The following NR3C1 variants were observed in gnomAD, a reference collection of about 807,000 sequenced individuals.
The protein encoded by NR3C1 is glucocorticoid receptor.
In NR3C1, 14 loss-of-function variants were observed where a neutral mutation model predicts 74.0. That is an observed-to-expected ratio of 0.19 (90% confidence interval 0.12 to 0.30). NR3C1 has a LOEUF of 0.30. Among genes scored for constraint, NR3C1 ranks in the 10% least tolerant of loss-of-function variants. The pLI, the probability that NR3C1 is intolerant of heterozygous loss-of-function variation, is 1.00. For missense variants in NR3C1, 695 were observed against 909.8 expected, an observed-to-expected ratio of 0.76 and a Z score of 3.04; for synonymous variants, 308 against 332.5, an observed-to-expected ratio of 0.93 and a Z score of 0.80.
At chr5:143,294,859 T>A in intron 7 of NR3C1, 3 of 869,628 alleles carry the variant, frequency 3.4e-6, no homozygotes, top group Non-Finnish European at 4.1e-6. Flanking sequence ...ATCATCTGGA[T>A]GTATCATAGT....
intron 2 of NR3C1, among the ~76,000 whole-genome samples, chr5:143,388,043 T>C (rs1205420811): frequency 6.6e-6 from 1 of 150,614 alleles, no homozygotes; most frequent in Non-Finnish European, 1.5e-5. Context: ...CAATTTACTA[T>C]GTTACTGCCT....
In NR3C1 at chr5:143,281,603, AC is replaced by A; in HGVS notation, c.*285del. On this transcript the variant is annotated 3_prime_UTR_variant, in exon 9 of 9. Coordinates refer to ENST00000394464, the MANE Select transcript of NR3C1 (RefSeq NM_000176.3). ...GTGGTTTAGGTGCCATCCTTCTTTG[AC>A]TGTGGAGATTACGTCCACATATTAA... 1 of 356,376 alleles carries A rather than the reference AC, an allele frequency of 2.8e-6. No homozygotes were observed. The allele number at this position is 356,376 out of a possible 1,614,324, so 22.1% of individuals were successfully genotyped here. A position where few individuals can be genotyped will look rare whatever the true frequency, so the allele number is the denominator to read the frequency against.
chr5:143,298,566 T>C, intron 6 of NR3C1, 102 bp downstream of exon 6: 1 of 1,277,472 alleles, frequency 7.8e-7, no homozygotes, highest in Non-Finnish European at 1.1e-6. Context: ...CCTAGTAGGA[T>C]TGTTTCAGTC....
intron 2 of NR3C1, among the ~76,000 whole-genome samples, chr5:143,351,580 C>T (rs983708709): frequency 6.6e-6 from 1 of 151,976 alleles, no homozygotes; most frequent in Non-Finnish European, 1.5e-5. Context: ...GACAATTGTC[C>T]CTTTTGTGTT....
At chr5:143,282,431 G>A (rs1336759070) in intron 8 of NR3C1, 137 bp downstream of exon 8, 13 of 859,712 alleles carry the variant, frequency 1.5e-5, no homozygotes, top group Non-Finnish European at 2.3e-5. Context: ...AAGTTCATAA[G>A]TTGAACTCAA....
At chr5:143,430,992 C>T (rs1042127644) in intron 1 of NR3C1, among the ~76,000 whole-genome samples, 4 of 152,096 alleles carry the variant, frequency 2.6e-5, no homozygotes, top group East Asian at 1.9e-4. Context: ...ACCAAATAAA[C>T]GTATCTTGAA....
chr5:143,320,914 C>T (rs1310944463), intron 2 of NR3C1, among the ~76,000 whole-genome samples: 1 of 152,148 alleles, frequency 6.6e-6, no homozygotes, highest in Non-Finnish European at 1.5e-5. Flanking sequence ...TCTGTTTGCT[C>T]AGGCTTGCAT....
chr5:143,403,446 C>G lies in NR3C1; in HGVS notation c.-249G>C. 1 of 653,608 alleles carries G rather than the reference C, an allele frequency of 1.5e-6. No individual in the cohort carries two copies. The highest frequency in any genetic ancestry group is 7.8e-5 in the South Asian group (1 of 12,856). The allele number at this position is 653,608 out of a possible 1,614,324, so 40.5% of individuals were successfully genotyped here. ...CCGCCCCGCGCCGGGCTCCGCGGGTCGAGGTTCCGGGCGCGCGTGCCCCGT... is the reference window on the plus strand; with the variant it reads ...CCGCCCCGCGCCGGGCTCCGCGGGTGGAGGTTCCGGGCGCGCGTGCCCCGT... On this transcript the variant is annotated 5_prime_UTR_variant, in exon 1 of 9. Coordinates refer to ENST00000394464, the MANE Select transcript of NR3C1 (RefSeq NM_000176.3).
chr5:143,345,804 GT>G (rs1418565215), intron 2 of NR3C1, among the ~76,000 whole-genome samples: 2 of 152,002 alleles, frequency 1.3e-5, no homozygotes, highest in Admixed American at 6.6e-5. Context: ...TATTTCAGTG[GT>G]TAATATTATA....
At position 143,402,853 on chromosome 5, in the gene NR3C1, G is replaced by GCGACC. The variant is rs1432237740; in HGVS notation, c.-14+353_-14+357dup. ...CGTTCACCACGAAAACGGGTGTCGGGCGACCCCCTTGGAGGGAAAGGGGAC... is the reference window on the plus strand; with the variant it reads ...CGTTCACCACGAAAACGGGTGTCGGGCGACCCGACCCCCTTGGAGGGAAAGGGGAC... On this transcript the variant is annotated intron_variant, in intron 1 of 8. Transcript: ENST00000394464. 3.1e-6 allele frequency: 3 copies of GCGACC among 983,030 alleles called. No homozygotes were observed. In the African/African-American group the frequency reaches 5.2e-5, roughly 17 times the overall value. The allele number at this position is 983,030 out of a possible 1,614,324, so 60.9% of individuals were successfully genotyped here. A position where few individuals can be genotyped will look rare whatever the true frequency, so the allele number is the denominator to read the frequency against.
At chr5:143,402,652 C>G (rs1247246906) in intron 1 of NR3C1, 2 of 985,526 alleles carry the variant, frequency 2.0e-6, no homozygotes, top group East Asian at 1.1e-4. Flanking sequence ...AACGCCGGCC[C>G]CGGCCGCAGT....
At chr5:143,344,892 C>G (rs531510848) in intron 2 of NR3C1, among the ~76,000 whole-genome samples, 3 of 151,800 alleles carry the variant, frequency 2.0e-5, no homozygotes, top group African/African-American at 7.3e-5. Flanking sequence ...CCTCACCCCC[C>G]ACAAAAAAAA....
chr5:143,433,422 T>TTATA (rs527264357), intron 1 of NR3C1, among the ~76,000 whole-genome samples: 1 of 137,472 alleles, frequency 7.3e-6, no homozygotes, highest in Non-Finnish European at 1.5e-5. Flanking sequence ...TTTATTTAAA[T>TTATA]TATATATATA....
chr5:143,410,458 C>T (rs1841254170), intron 1 of NR3C1, among the ~76,000 whole-genome samples: 1 of 151,668 alleles, frequency 6.6e-6, no homozygotes, highest in African/African-American at 2.4e-5. Flanking sequence ...CATTTGTCAC[C>T]ATTGAAAAAA....
chr5:143,346,941 C>T (rs141933174), intron 2 of NR3C1, among the ~76,000 whole-genome samples: 1 of 152,288 alleles, frequency 6.6e-6, no homozygotes, highest in East Asian at 1.9e-4. Context: ...TCTGATGCTA[C>T]CAAAGCAGCA....
chr5:143,303,025 T>A (rs558632456), intron 4 of NR3C1, among the ~76,000 whole-genome samples: 1 of 151,990 alleles, frequency 6.6e-6, no homozygotes, highest in South Asian at 2.1e-4. Context: ...ACAAGATTGA[T>A]AGACCACTAG....
intron 2 of NR3C1, among the ~76,000 whole-genome samples, chr5:143,398,019 T>C (rs1839543709): frequency 6.6e-6 from 1 of 151,972 alleles, no homozygotes; most frequent in Non-Finnish European, 1.5e-5. Context: ...CTAAGATGTT[T>C]TATTTTTCTT....
At chr5:143,397,058 T>C (rs1396698763) in intron 2 of NR3C1, among the ~76,000 whole-genome samples, 2 of 151,856 alleles carry the variant, frequency 1.3e-5, no homozygotes, top group Middle Eastern at 3.2e-3. Context: ...ACTTAGAAAA[T>C]GCTTTACTAA....
At chr5:143,376,504 G>T (rs924464280) in intron 2 of NR3C1, among the ~76,000 whole-genome samples, 1 of 152,178 alleles carries the variant, frequency 6.6e-6, no homozygotes, top group Non-Finnish European at 1.5e-5. Context: ...TAGGCCTGCT[G>T]CTTTTGGCTT....
Sources: allele counts gnomAD v4.1 joint callset (sites outside exome capture counted in the v4.1 genomes callset), GRCh38; gene constraint gnomAD v4.1.1; transcripts MANE v1.5; gene names NCBI Gene and HGNC (gene_info 2026-07-23, HGNC 2026-07-21).